Variants in SIAH1 observed in about 807,000 individuals in gnomAD.
SIAH1 encodes the protein E3 ubiquitin-protein ligase SIAH1.
In SIAH1, 2 loss-of-function variants were observed where a neutral mutation model predicts 20.0. The observed-to-expected ratio is 0.10, with a 90% CI of 0.04 to 0.31. SIAH1 has a LOEUF of 0.31. Ranked by LOEUF, SIAH1 falls within the 10% of genes least tolerant of loss-of-function variation. The pLI is 1.00. For synonymous variants in SIAH1, 118 were observed against 125.3 expected, an observed-to-expected ratio of 0.94 and a Z score of 0.39; for missense variants, 119 against 355.3, an observed-to-expected ratio of 0.33 and a Z score of 5.35.
chr16:48,375,573 G>A (rs1236411516), intron 1 of SIAH1, among the ~76,000 whole-genome samples: 1 of 152,078 alleles, frequency 6.6e-6, no homozygotes, highest in Admixed American at 6.6e-5. Context: ...AGGAGTTAGA[G>A]GGTATAGTGA....
intron 1 of SIAH1, among the ~76,000 whole-genome samples, chr16:48,384,600 C>T (rs1597036373): frequency 6.6e-6 from 1 of 152,126 alleles, no homozygotes; most frequent in African/African-American, 2.4e-5. Context: ...ATGAAGCCTC[C>T]GGCCGAAGCG....
chr16:48,366,543 A>C (rs957126773), intron 1 of SIAH1, among the ~76,000 whole-genome samples: 25 of 152,210 alleles, frequency 1.6e-4, no homozygotes, highest in Non-Finnish European at 1.5e-5. Flanking sequence ...TGGGAAAGCC[A>C]TCTTAAATGG....
At chr16:48,371,775 C>T (rs1434490007) in intron 1 of SIAH1, among the ~76,000 whole-genome samples, 1 of 152,198 alleles carries the variant, frequency 6.6e-6, no homozygotes, top group African/African-American at 2.4e-5. Flanking sequence ...CATTCAAATA[C>T]TATTTACCTA....
intron 1 of SIAH1, among the ~76,000 whole-genome samples, chr16:48,367,610 G>T (rs539642275): frequency 3.9e-5 from 6 of 152,288 alleles, no homozygotes; most frequent in Admixed American, 1.3e-4. Flanking sequence ...GCTGAGACCT[G>T]ATTTAATTGC....
chr16:48,384,773 G>A (rs955960105), intron 1 of SIAH1, among the ~76,000 whole-genome samples: 1 of 151,162 alleles, frequency 6.6e-6, no homozygotes, highest in African/African-American at 2.4e-5. Context: ...GCACTCAGCT[G>A]ACCTCCGCCA....
intron 1 of SIAH1, among the ~76,000 whole-genome samples, chr16:48,383,294 G>C (rs969293818): frequency 2.6e-5 from 4 of 152,096 alleles, no homozygotes; most frequent in Admixed American, 1.3e-4. Flanking sequence ...AACCATCCAA[G>C]ATTACAGAAA....
intron 1 of SIAH1, among the ~76,000 whole-genome samples, chr16:48,378,226 G>C (rs1268513159): frequency 6.6e-6 from 1 of 152,174 alleles, no homozygotes; most frequent in African/African-American, 2.4e-5. Flanking sequence ...GGTGGTGCAT[G>C]CCTGTAATCC....
Position 48,367,109 on chromosome 16 carries a change from A to T in SIAH1, c.-2-4679T>A, listed in dbSNP as rs919744612. 3.9e-5 allele frequency among the ~76,000 whole-genome samples: 6 copies of T among 152,202 alleles called. No individual in the cohort carries two copies. The East Asian group carries it at 5.8e-4, about 15-fold the overall frequency. On this transcript the variant is annotated intron_variant, in intron 1 of 1. Coordinates refer to ENST00000394725, the MANE Select transcript of SIAH1 (RefSeq NM_003031.4). ...AAGATAGGGAGTCCCCATGTTGCCC[A>T]GGCTGGTCTCGAACTCCTGGGCTAA...
chr16:48,382,163 G>GCCCAGGA (rs2151055731), intron 1 of SIAH1, among the ~76,000 whole-genome samples: 1 of 152,256 alleles, frequency 6.6e-6, no homozygotes, highest in Non-Finnish European at 1.5e-5. Context: ...GATTACTTGA[G>GCCCAGGA]CCCAGGAGTT....
chr16:48,363,118 G>A (rs1283201146), intron 1 of SIAH1: 1 of 167,092 alleles, frequency 6.0e-6, no homozygotes, highest in Middle Eastern at 3.1e-3. Context: ...CTCAGGTTTT[G>A]GTATGGAGAA....
chr16:48,381,387 GC>G (rs1290622459), intron 1 of SIAH1, among the ~76,000 whole-genome samples: 2 of 152,114 alleles, frequency 1.3e-5, no homozygotes, highest in Non-Finnish European at 2.9e-5. Context: ...ATCTGATCCA[GC>G]AATCACATTC....
At chr16:48,385,181 C>T (rs780241805) in intron 1 of SIAH1, 23 bp downstream of exon 1, 1 of 282,128 alleles carries the variant, frequency 3.5e-6, no homozygotes. Context: ...GCCGGCTCCT[C>T]CCTCAGGCCG....
chr16:48,364,646 T>G (rs780351172), intron 1 of SIAH1, among the ~76,000 whole-genome samples: 1 of 152,246 alleles, frequency 6.6e-6, no homozygotes, highest in Non-Finnish European at 1.5e-5. Flanking sequence ...TTTGTACATA[T>G]GACATCCATT....
chr16:48,386,957 T>C (rs911615590), upstream of SIAH1: 1 of 152,280 alleles, frequency 6.6e-6, no homozygotes, highest in Non-Finnish European at 1.5e-5. Flanking sequence ...TCAGATTTTG[T>C]CCTCCTTATC....
chr16:48,386,700 C>T (rs1961475428), upstream of SIAH1, among the ~76,000 whole-genome samples: 1 of 152,116 alleles, frequency 6.6e-6, no homozygotes, highest in African/African-American at 2.4e-5. Flanking sequence ...CAATAGAGTT[C>T]GGTTCACTTC....
chr16:48,385,913 C>T (rs1016045251), upstream of SIAH1, among the ~76,000 whole-genome samples: 1 of 152,176 alleles, frequency 6.6e-6, no homozygotes, highest in Non-Finnish European at 1.5e-5. Flanking sequence ...GCTGCCCTGC[C>T]CGCCGACCGG....
rs746701433 is a variant in SIAH1 at position 48,361,712 on chromosome 16, A to C, written c.717T>G (p.Thr239=). The C allele has an allele frequency of 7.4e-6, 12 of 1,614,066 alleles. No individual in the cohort carries two copies. Among genetic ancestry groups the C allele is most frequent in the Non-Finnish European group, 1.0e-5 (12 of 1,180,036 alleles). The part of the protein sequence containing the change: ...GHRRRLTWEA[T]PRSIHEGIAT... ...CAATTCCTTCATGAATAGATCGAGG[A>C]GTCGCTTCCCAAGTCAATCGTCGCC... The change falls in exon 2 of 2, where the codon ACT becomes ACG. Residue 239 remains threonine (T), a synonymous_variant. Transcript: ENST00000394725.
chr16:48,364,560 G>C (rs1960752782), intron 1 of SIAH1, among the ~76,000 whole-genome samples: 2 of 152,218 alleles, frequency 1.3e-5, no homozygotes, highest in Non-Finnish European at 2.9e-5. Flanking sequence ...AGCCCAGTGT[G>C]ACCCAGGTAT....
chr16:48,369,847 G>A (rs1960938099), intron 1 of SIAH1, among the ~76,000 whole-genome samples: 1 of 152,200 alleles, frequency 6.6e-6, no homozygotes, highest in Non-Finnish European at 1.5e-5. Flanking sequence ...CTTTGTCAAA[G>A]CAATTAATCA....
Sources: allele counts gnomAD v4.1 joint callset (sites outside exome capture counted in the v4.1 genomes callset), GRCh38; gene constraint gnomAD v4.1.1; transcripts MANE v1.5; gene names NCBI Gene and HGNC (gene_info 2026-07-23, HGNC 2026-07-21).